The following USP40 variants were observed in gnomAD, a reference collection of about 807,000 sequenced individuals.
USP40 encodes ubiquitin carboxyl-terminal hydrolase 40.
In USP40, 143 loss-of-function variants were observed where a neutral mutation model predicts 166.2. The ratio of observed to expected loss-of-function variants is 0.86; its 90% confidence interval spans 0.75 to 0.99. The LOEUF (loss-of-function observed/expected upper bound fraction) is 0.99. Ranked by LOEUF, USP40 falls within the 50% of genes least tolerant of loss-of-function variation. The probability of loss-of-function intolerance (pLI) is 0.00; values close to 1 mark genes in which losing one functional copy is unlikely to be tolerated. For synonymous variants in USP40, 498 were observed against 524.0 expected (o/e 0.95, Z 0.68); for missense variants, 1,444 against 1,479.7 (o/e 0.98, Z 0.40).
chr2:233,552,818 T>C (rs2070699761), intron 6 of USP40, among the ~76,000 whole-genome samples: 1 of 152,246 alleles, frequency 6.6e-6, no homozygotes, highest in Non-Finnish European at 1.5e-5. Flanking sequence ...GTGTATTATC[T>C]AAATCAATGC....
chr2:233,507,816 A>G (rs2066533920), intron 21 of USP40, among the ~76,000 whole-genome samples: 1 of 152,178 alleles, frequency 6.6e-6, no homozygotes, highest in African/African-American at 2.4e-5. Flanking sequence ...TGTATATTAA[A>G]AAATAGTTAG....
intron 5 of USP40, among the ~76,000 whole-genome samples, chr2:233,555,536 T>C (rs2070994944): frequency 6.6e-6 from 1 of 152,180 alleles, no homozygotes; most frequent in African/African-American, 2.4e-5. Context: ...ATATGTTGTT[T>C]TGAAAATACT....
chr2:233,489,407 T>G lies in USP40; in HGVS notation c.3089A>C (p.Lys1030Thr), dbSNP rs2065159856. The change falls in exon 27 of 32, where the codon AAG (lysine) becomes ACG (threonine). Residue 1030 changes from lysine (K) to threonine (T), a missense_variant. Lys to Thr is a moderately conservative substitution (Grantham distance 78). Transcript: ENST00000678225. ...AHLRAWTVER[K>T]RPGRLLRTDR... ...AGTTCGTAAAAGCCTGCCTGGGCGC[T>G]TCCTCTCCACCGTCCAGGCTCTGAG... is the stretch of plus-strand genomic sequence containing the variant. 1.1e-5 allele frequency: 18 copies of G among 1,603,706 alleles called. No homozygotes were observed. The highest frequency in any genetic ancestry group is 1.4e-5 in the Non-Finnish European group (17 of 1,175,442).
chr2:233,480,109 G>A lies in USP40; in HGVS notation c.3599+1094C>T, dbSNP rs571267094. Among the ~76,000 whole-genome samples the A allele has an allele frequency of 6.6e-6, 1 of 152,188 alleles. No homozygotes were observed. The highest frequency in any genetic ancestry group is 1.5e-5 in the Non-Finnish European group (1 of 68,014). ...GAACCCCCACTTCTGCCATGGTCAC[G>A]AGGTCACGCTCACCTGCCCTGCCAC... On this transcript the variant is annotated intron_variant, in intron 31 of 31. Transcript: ENST00000678225. This position sits in a 1 kb window ranked among gnomAD's most constrained non-coding sequence, Gnocchi z 4.5.
intron 21 of USP40, among the ~76,000 whole-genome samples, chr2:233,504,103 C>G (rs1260158380): frequency 6.6e-6 from 1 of 151,914 alleles, no homozygotes; most frequent in Non-Finnish European, 1.5e-5. Flanking sequence ...ATTATAAGTA[C>G]AAGACTCTCT....
In USP40 at chr2:233,554,485, G is replaced by A. The variant is rs758148468; in HGVS notation, c.588C>T (p.Ser196=). The A allele has an allele frequency of 3.2e-5, 52 of 1,611,428 alleles. No individual in the cohort carries two copies. The East Asian group carries it at 6.7e-4, about 21-fold the overall frequency. The change falls in exon 6 of 32, where the codon TCC becomes TCT. Residue 196 remains serine (S), a synonymous_variant. Transcript: ENST00000678225. Reference sequence around the variant, plus strand: ...TGTTCCAGAGAGCATCTTCCAAACCGGATACATTTTTGACTGCTACTGTTA... The same window carrying A: ...TGTTCCAGAGAGCATCTTCCAAACCAGATACATTTTTGACTGCTACTGTTA... ...LDLTVAVKNV[S]GLEDALWNMY...
At chr2:233,494,349 G>T (rs1447090050) in intron 24 of USP40, among the ~76,000 whole-genome samples, 1 of 151,804 alleles carries the variant, frequency 6.6e-6, no homozygotes, top group Non-Finnish European at 1.5e-5. Context: ...TTGAACATTT[G>T]TAAGTTGGTA....
At chr2:233,536,079 C>T (rs1327563825) in intron 10 of USP40, among the ~76,000 whole-genome samples, 1 of 151,684 alleles carries the variant, frequency 6.6e-6, no homozygotes, top group Non-Finnish European at 1.5e-5. Flanking sequence ...AGAAACAGGA[C>T]AATGTTATTC....
intron 19 of USP40, chr2:233,512,148 A>G (rs2066883636): frequency 5.1e-6 from 1 of 197,814 alleles, no homozygotes; most frequent in South Asian, 1.4e-4. Flanking sequence ...TTCCAAGTTT[A>G]AAGTTGAGAT....
At chr2:233,498,906 T>G (rs148265580) in intron 22 of USP40, among the ~76,000 whole-genome samples, 2 of 152,266 alleles carry the variant, frequency 1.3e-5, no homozygotes, top group Non-Finnish European at 2.9e-5. Context: ...AATACTGACA[T>G]GAAACAGAAT....
rs764781716 is a variant in USP40 at position 233,540,722 on chromosome 2, CAA to C, written c.1108_1109del (p.Leu370GlufsTer35). 4.3e-6 allele frequency: 7 copies of C among 1,613,290 alleles called. No individual in the cohort carries two copies. Among genetic ancestry groups the C allele is most frequent in the Non-Finnish European group, 5.9e-6 (7 of 1,179,536 alleles). The stretch of plus-strand genomic sequence containing the variant: ...TGTTCCAAGATATTCCTATCTTTTT[CAA>C]AAGTTTCTGGCCCAGCTGATCAACA... ...IPVDQLGQKL[L>X]KKIGISWNKK... On this transcript the variant is annotated frameshift_variant, in exon 10 of 32. Transcript: ENST00000678225. LOFTEE classifies it high-confidence loss of function.
chr2:233,505,274 C>A (rs945689367), intron 21 of USP40, among the ~76,000 whole-genome samples: 3 of 151,984 alleles, frequency 2.0e-5, no homozygotes, highest in Non-Finnish European at 4.4e-5. Flanking sequence ...TAACCATGAA[C>A]CTCAAGGAAC....
intron 21 of USP40, among the ~76,000 whole-genome samples, chr2:233,506,382 A>C (rs534824497): frequency 2.6e-4 from 40 of 152,354 alleles, no homozygotes; most frequent in Admixed American, 2.3e-3. Flanking sequence ...TGTAAAACCC[A>C]AAACAATGAA....
rs1196072992 is a variant in USP40 at position 233,557,020 on chromosome 2, C to T, written c.382-1G>A. On this transcript the variant is annotated splice_acceptor_variant, in intron 4 of 31. Coordinates refer to ENST00000678225, the MANE Select transcript of USP40 (RefSeq NM_001365479.2). LOFTEE classifies it high-confidence loss of function. ...CCTGCACATCATGTTGCCTCATTTC[C>T]TACAAAACAGGTAACTTTTAGATGT... 1 of 1,606,456 alleles carries T rather than the reference C, an allele frequency of 6.2e-7. No homozygotes were observed. Among genetic ancestry groups the T allele is most frequent in the Non-Finnish European group, 8.5e-7 (1 of 1,177,638 alleles).
chr2:233,507,273 A>G (rs2066492219), intron 21 of USP40, among the ~76,000 whole-genome samples: 1 of 152,334 alleles, frequency 6.6e-6, no homozygotes, highest in East Asian at 1.9e-4. Flanking sequence ...GATGTTCCTC[A>G]CAAAAATAAA....
chr2:233,562,520 A>T (rs1010639569), intron 3 of USP40, among the ~76,000 whole-genome samples: 1 of 143,140 alleles, frequency 7.0e-6, no homozygotes, highest in African/African-American at 2.5e-5. Context: ...AACAATGAGA[A>T]CACATGGACA....
At position 233,565,370 on chromosome 2, in the gene USP40, GTGAAA is replaced by G. The variant is rs1468816655; in HGVS notation, c.180_184del (p.Phe61ThrfsTer2). ...ACATAGCATACCTCTGAATTCAGGTGTGAAATGAAGAGTCTGAAGAAGGGAATTGA... is the reference window on the plus strand; with the variant it reads ...ACATAGCATACCTCTGAATTCAGGTGTGAAGAGTCTGAAGAAGGGAATTGA... On this transcript the variant is annotated frameshift_variant, in exon 2 of 32. Coordinates refer to ENST00000678225, the MANE Select transcript of USP40 (RefSeq NM_001365479.2). LOFTEE classifies it high-confidence loss of function. 1 of 1,536,726 alleles carries G rather than the reference GTGAAA, an allele frequency of 6.5e-7. No homozygotes were observed. Among genetic ancestry groups the G allele is most frequent in the Non-Finnish European group, 8.7e-7 (1 of 1,146,408 alleles).
chr2:233,496,984 A>G (rs544764777), intron 23 of USP40, among the ~76,000 whole-genome samples, 152 bp from the exon 24 acceptor site: 4 of 152,240 alleles, frequency 2.6e-5, no homozygotes, highest in Non-Finnish European at 4.4e-5. Context: ...CTAAGACTAT[A>G]AAATCAGTAC....
intron 16 of USP40, among the ~76,000 whole-genome samples, chr2:233,521,780 C>T (rs1283970986): frequency 6.6e-6 from 1 of 152,124 alleles, no homozygotes; most frequent in Non-Finnish European, 1.5e-5. Flanking sequence ...TGAGCTCCTA[C>T]CTTAAGCTAG....
Sources: allele counts gnomAD v4.1 joint callset (sites outside exome capture counted in the v4.1 genomes callset), GRCh38; gene constraint gnomAD v4.1.1; non-coding constraint Gnocchi (gnomAD v3.1); transcripts MANE v1.5; gene names NCBI Gene and HGNC (gene_info 2026-07-23, HGNC 2026-07-21).